SLC7A5: variants seen among roughly 807,000 people sequenced by gnomAD.
The protein encoded by SLC7A5 is large neutral amino acids transporter small subunit 1.
Under a neutral mutation model 50.2 loss-of-function variants are expected in SLC7A5, and 23 were observed. The ratio of observed to expected loss-of-function variants is 0.46; its 90% CI spans 0.33 to 0.65. SLC7A5 has a LOEUF of 0.65. SLC7A5 is among the 30% of genes least tolerant of loss of function. SLC7A5 has a pLI of 0.02. For synonymous variants in SLC7A5, 393 were observed against 330.6 expected, an observed-to-expected ratio of 1.19 and a Z score of -2.05; for missense variants, 578 against 684.4, an observed-to-expected ratio of 0.84 and a Z score of 1.73.
chr16:87,836,429 G>C (rs1043998269), intron 8 of SLC7A5, 69 bp downstream of exon 8: 1 of 1,567,826 alleles, frequency 6.4e-7, no homozygotes, highest in Non-Finnish European at 8.7e-7. Flanking sequence ...TCCCAACTCA[G>C]GGTCCTTAGG....
In SLC7A5 at chr16:87,869,328, G is replaced by A; in HGVS notation, c.95C>T (p.Ala32Val). ...CTCGCCTGCCGGCGCCGAGCCGTCC[G>A]CGCTCTTGGCGGCCAGCATCTTCTC... ...AREKMLAAKSADGSAPAGEGE... is the reference protein window; with the variant it reads ...AREKMLAAKSVDGSAPAGEGE... The change falls in exon 1 of 10, where the codon GCG becomes GTG. Residue 32 changes from alanine (A) to valine (V), a missense_variant. Coordinates refer to ENST00000261622, the MANE Select transcript of SLC7A5 (RefSeq NM_003486.7). The A allele has an allele frequency of 6.2e-7, 1 of 1,610,204 alleles. No homozygotes were observed. The highest frequency in any genetic ancestry group is 8.5e-7 in the Non-Finnish European group (1 of 1,179,264).
chr16:87,850,821 C>T (rs1036829598), intron 2 of SLC7A5, among the ~76,000 whole-genome samples: 1 of 152,172 alleles, frequency 6.6e-6, no homozygotes, highest in Non-Finnish European at 1.5e-5. Flanking sequence ...GACCTCACCG[C>T]GGAATGGCAG....
At chr16:87,864,007 A>ATATATATATATATATATC (rs1267621515) in intron 1 of SLC7A5, among the ~76,000 whole-genome samples, 1 of 143,084 alleles carries the variant, frequency 7.0e-6, no homozygotes, top group African/African-American at 2.5e-5. Flanking sequence ...ATATATATAT[A>ATATATATATATATATATC]TCAGCCGAGT....
chr16:87,859,913 AAAAAC>A (rs60586708), intron 1 of SLC7A5, among the ~76,000 whole-genome samples: 26,367 of 151,064 alleles, frequency 0.17, 2,529 homozygotes, highest in Middle Eastern at 0.23. Context: ...CCTGGGTGAC[AAAAAC>A]AAAACAAAAC....
At chr16:87,850,495 G>C (rs1019561342) in intron 2 of SLC7A5, among the ~76,000 whole-genome samples, 64 of 152,232 alleles carry the variant, frequency 4.2e-4, no homozygotes, top group African/African-American at 1.4e-3. Context: ...GTGACTGCGA[G>C]TCACCAGAGC....
At chr16:87,840,185 G>C (rs1175749524) in intron 4 of SLC7A5, among the ~76,000 whole-genome samples, 2 of 152,238 alleles carry the variant, frequency 1.3e-5, no homozygotes, top group Non-Finnish European at 2.9e-5. Context: ...AGCCCAGGCA[G>C]CTCCTCTGTA....
Position 87,862,406 on chromosome 16 carries a change from TTTAGGGAG to T in SLC7A5, c.538+6471_538+6478del. Among the ~76,000 whole-genome samples the T allele has an allele frequency of 6.6e-6, 1 of 152,188 alleles. No homozygotes were observed. Among genetic ancestry groups the T allele is most frequent in the Admixed American group, 6.5e-5 (1 of 15,270 alleles). On this transcript the variant is annotated intron_variant, in intron 1 of 9. Coordinates refer to ENST00000261622, the MANE Select transcript of SLC7A5 (RefSeq NM_003486.7). This position sits in a 1 kb window ranked among gnomAD's most constrained non-coding sequence, Gnocchi z 5.3. ...AACCCACCCCTTACACCCTTCACCC[TTTAGGGAG>T]GGGCTCAGAGACAGTTGTGGCGATT...
chr16:87,859,040 TCCTCACCTGCCC>T (rs1467480094), intron 1 of SLC7A5, among the ~76,000 whole-genome samples: 2 of 152,216 alleles, frequency 1.3e-5, no homozygotes, highest in Non-Finnish European at 2.9e-5. Flanking sequence ...TGCCCTGCCC[TCCTCACCTGCCC>T]CCTCACCTGT....
intron 1 of SLC7A5, among the ~76,000 whole-genome samples, chr16:87,868,115 CA>C (rs11372656): frequency 0.011 from 849 of 80,356 alleles, 3 homozygotes; most frequent in African/African-American, 0.025. Context: ...GACTCAGTGT[CA>C]AAAAAAAAAA....
intron 1 of SLC7A5, among the ~76,000 whole-genome samples, chr16:87,863,357 A>G (rs2055422377): frequency 6.6e-6 from 1 of 152,136 alleles, no homozygotes; most frequent in Non-Finnish European, 1.5e-5. Context: ...CCTACTCGCT[A>G]TGCAGAGCCA....
At chr16:87,844,480 G>C (rs917151184) in intron 2 of SLC7A5, among the ~76,000 whole-genome samples, 8 of 152,206 alleles carry the variant, frequency 5.3e-5, no homozygotes, top group Non-Finnish European at 1.5e-5. Context: ...GGTGGCTAAA[G>C]CCATCCTGCT....
chr16:87,869,464 G>A lies in SLC7A5; in HGVS notation c.-42C>T, dbSNP rs1259557129. On this transcript the variant is annotated 5_prime_UTR_variant, in exon 1 of 10. Coordinates refer to ENST00000261622, the MANE Select transcript of SLC7A5 (RefSeq NM_003486.7). ...GGGCCTGGGACACCCGGGAGCCGCG[G>A]CCCAGCGAGCAGTGTGCGCGCCGCC... The A allele has an allele frequency of 1.2e-5, 15 of 1,302,330 alleles. No homozygotes were observed. Among genetic ancestry groups the A allele is most frequent in the Admixed American group, 4.3e-5 (1 of 23,504 alleles). 80.7% of individuals were successfully genotyped at this position (1,302,330 alleles called of 1,614,324 possible).
intron 7 of SLC7A5, chr16:87,837,522 C>A: frequency 2.6e-6 from 1 of 388,070 alleles, no homozygotes; most frequent in South Asian, 3.2e-5. Context: ...GTGTGATGCA[C>A]CCCGCTGAGA....
intron 1 of SLC7A5, among the ~76,000 whole-genome samples, chr16:87,859,640 A>C (rs2055363607): frequency 1.3e-5 from 2 of 152,126 alleles, no homozygotes; most frequent in South Asian, 4.2e-4. Flanking sequence ...ACCAGCACTA[A>C]CACTCAAACA....
intron 1 of SLC7A5, among the ~76,000 whole-genome samples, chr16:87,859,485 A>G (rs2055360987): frequency 2.0e-5 from 3 of 152,160 alleles, no homozygotes; most frequent in Admixed American, 2.0e-4. Flanking sequence ...TAAAATTCTA[A>G]GCCCCGTAAC....
At position 87,833,916 on chromosome 16, in the gene SLC7A5, C is replaced by T. The variant is rs568654501; in HGVS notation, c.1468+498G>A. On this transcript the variant is annotated intron_variant, in intron 9 of 9. Transcript: ENST00000261622. The surrounding 1 kb of genome is among the most constrained non-coding windows in gnomAD (Gnocchi z 6.0). ...TCGCCCAGGCTGGAGTGCAATGGTG[C>T]GATCTCGGCTCACTGCAACCTCCGT... Among the ~76,000 whole-genome samples, 1 of 150,518 alleles carries T rather than the reference C, an allele frequency of 6.6e-6. No homozygotes were observed. The highest frequency in any genetic ancestry group is 2.0e-4 in the East Asian group (1 of 5,124).
At chr16:87,851,547 C>T (rs1375004563) in intron 2 of SLC7A5, among the ~76,000 whole-genome samples, 177 bp downstream of exon 2, 1 of 152,256 alleles carries the variant, frequency 6.6e-6, no homozygotes, top group Non-Finnish European at 1.5e-5. Flanking sequence ...ACTCCTGTGT[C>T]CCCCTCTGGG....
chr16:87,854,446 T>G (rs984745425), intron 1 of SLC7A5, among the ~76,000 whole-genome samples: 3 of 152,250 alleles, frequency 2.0e-5, no homozygotes, highest in Admixed American at 6.5e-5. Context: ...TCAGTACCTT[T>G]CGACCTTAAG....
intron 8 of SLC7A5, 121 bp downstream of exon 8, chr16:87,836,377 T>A: frequency 8.7e-7 from 1 of 1,146,992 alleles, no homozygotes; most frequent in South Asian, 1.3e-5. Context: ...CCCAGGTGCA[T>A]GCAGGCAGGG....
Sources: allele counts gnomAD v4.1 joint callset (sites outside exome capture counted in the v4.1 genomes callset), GRCh38; gene constraint gnomAD v4.1.1; non-coding constraint Gnocchi (gnomAD v3.1); transcripts MANE v1.5; gene names NCBI Gene and HGNC (gene_info 2026-07-23, HGNC 2026-07-21).